Variants in GNAO1 observed in about 807,000 individuals in gnomAD.
GNAO1 encodes guanine nucleotide-binding protein G(o) subunit alpha.
For missense variants in GNAO1, 166 were observed against 478.7 expected (o/e 0.35, Z 6.10); for synonymous variants, 164 against 180.7 (o/e 0.91, Z 0.74).
At chr16:56,194,609 C>T (rs114401324) in intron 2 of GNAO1, 2,153 of 194,674 alleles carry the variant, frequency 0.011, 61 homozygotes, top group African/African-American at 0.047. Context: ...CGAGTCGGTG[C>T]TCCGGCGGAG....
intron 2 of GNAO1, among the ~76,000 whole-genome samples, chr16:56,248,350 T>C (rs1334060766): frequency 6.6e-6 from 1 of 152,206 alleles, no homozygotes; most frequent in African/African-American, 2.4e-5. Context: ...AAACATCAAA[T>C]CTAACAGGCA....
At chr16:56,330,412 G>A (rs1266026501) in intron 4 of GNAO1, among the ~76,000 whole-genome samples, 1 of 152,092 alleles carries the variant, frequency 6.6e-6, no homozygotes, top group Non-Finnish European at 1.5e-5. Context: ...TCTTCTAGTG[G>A]CTCAGCAAAT....
At chr16:56,312,103 G>A (rs1333008093) in intron 3 of GNAO1, among the ~76,000 whole-genome samples, 5 of 152,064 alleles carry the variant, frequency 3.3e-5, no homozygotes, top group Non-Finnish European at 7.4e-5. Flanking sequence ...CTTGCTGATG[G>A]CCCCACCTCC....
chr16:56,229,259 C>T (rs183141897), intron 2 of GNAO1, among the ~76,000 whole-genome samples: 123 of 152,290 alleles, frequency 8.1e-4, no homozygotes, highest in Non-Finnish European at 1.5e-3. Context: ...GGCTGGAGTG[C>T]AGTGGCATAA....
intron 6 of GNAO1, among the ~76,000 whole-genome samples, chr16:56,337,751 G>A (rs2037757038): frequency 6.6e-6 from 1 of 152,236 alleles, no homozygotes; most frequent in South Asian, 2.1e-4. Context: ...TGGTTGTACA[G>A]TTGCTGGTGA....
intron 2 of GNAO1, among the ~76,000 whole-genome samples, chr16:56,207,430 A>G (rs2036340451): frequency 6.6e-6 from 1 of 152,262 alleles, no homozygotes; most frequent in Non-Finnish European, 1.5e-5. Context: ...GCTATCAGAG[A>G]AAACATGATT....
At chr16:56,272,136 CG>C (rs1325661314) in intron 2 of GNAO1, among the ~76,000 whole-genome samples, 1 of 151,958 alleles carries the variant, frequency 6.6e-6, no homozygotes, top group Non-Finnish European at 1.5e-5. Context: ...GGTGAAACCC[CG>C]TCTCTACTAA....
intron 2 of GNAO1, among the ~76,000 whole-genome samples, chr16:56,256,722 G>GTC (rs2036853494): frequency 2.0e-5 from 1 of 50,974 alleles, no homozygotes; most frequent in Admixed American, 2.3e-4. Flanking sequence ...CTCTCTCTGT[G>GTC]TGTGTGTGTG....
chr16:56,221,710 T>G (rs1328645648), intron 2 of GNAO1, among the ~76,000 whole-genome samples: 1 of 150,798 alleles, frequency 6.6e-6, no homozygotes, highest in Non-Finnish European at 1.5e-5. Context: ...GAAATTATAG[T>G]CTTGTTCTTG....
At chr16:56,324,828 G>A (rs1290764413) in intron 3 of GNAO1, among the ~76,000 whole-genome samples, 1 of 152,256 alleles carries the variant, frequency 6.6e-6, no homozygotes, top group Admixed American at 6.5e-5. Context: ...CACCATTGTA[G>A]CTTCCTTCCC....
intron 3 of GNAO1, among the ~76,000 whole-genome samples, chr16:56,304,987 A>C (rs1344056715): frequency 6.6e-6 from 1 of 152,198 alleles, no homozygotes; most frequent in Non-Finnish European, 1.5e-5. Flanking sequence ...CCGGCCCCTT[A>C]TTCTGCTCCC....
intron 6 of GNAO1, among the ~76,000 whole-genome samples, chr16:56,342,262 C>T (rs759440481): frequency 1.3e-5 from 2 of 152,200 alleles, no homozygotes; most frequent in Non-Finnish European, 2.9e-5. Context: ...GAGTAGTCAG[C>T]TGCAGTCCTA....
chr16:56,347,804 C>A, intron 6 of GNAO1: 1 of 972,502 alleles, frequency 1.0e-6, no homozygotes, highest in Non-Finnish European at 1.2e-6. Flanking sequence ...CTCCCCTCCA[C>A]ACCTGCCCTG....
chr16:56,267,813 C>T (rs1281673796), intron 2 of GNAO1, among the ~76,000 whole-genome samples: 1 of 152,020 alleles, frequency 6.6e-6, no homozygotes, highest in African/African-American at 2.4e-5. Flanking sequence ...GTGGCTGGCA[C>T]CTAGTAGGTA....
In GNAO1 at chr16:56,304,940, C is replaced by T. The variant is rs566795679; in HGVS notation, c.304-23691C>T. Among the ~76,000 whole-genome samples the T allele has an allele frequency of 2.1e-3, 322 of 152,366 alleles. 2 individuals are homozygous for T. The highest frequency in any genetic ancestry group is 7.3e-3 in the African/African-American group (303 of 41,584). On this transcript the variant is annotated intron_variant, in intron 3 of 8. Transcript: ENST00000262493. ...TGGAGTGCATCAGCACTCGTTTCTC[C>T]AGTTGCTCTGGAAGCATCCAGGACA...
chr16:56,225,067 A>G (rs1354267634), intron 2 of GNAO1, among the ~76,000 whole-genome samples: 7 of 152,212 alleles, frequency 4.6e-5, no homozygotes, highest in African/African-American at 1.4e-4. Context: ...CAGCTAAGGT[A>G]GGACAGGGTG....
At chr16:56,201,791 G>A (rs1216002953) in intron 2 of GNAO1, among the ~76,000 whole-genome samples, 2 of 152,212 alleles carry the variant, frequency 1.3e-5, no homozygotes, top group African/African-American at 4.8e-5. Context: ...GGCTACTGGT[G>A]GATGGTAGTT....
At chr16:56,295,372 A>C (rs2037276622) in intron 3 of GNAO1, among the ~76,000 whole-genome samples, 1 of 152,056 alleles carries the variant, frequency 6.6e-6, no homozygotes, top group Non-Finnish European at 1.5e-5. Context: ...TGAGGATAAT[A>C]AGTCACCTAC....
chr16:56,258,784 C>T lies in GNAO1; in HGVS notation c.162-17147C>T, dbSNP rs565993371. Among the ~76,000 whole-genome samples, 17 of 152,372 alleles carry T rather than the reference C, an allele frequency of 1.1e-4. No homozygotes were observed. The East Asian group carries it at 2.9e-3, about 26-fold the overall frequency. Reference sequence around the variant, plus strand: ...TGAGAAGGCAGGGGAGAGTTTCCTGCAGCTCCTCTGGGAGAGACAGGGGAT... The same window carrying T: ...TGAGAAGGCAGGGGAGAGTTTCCTGTAGCTCCTCTGGGAGAGACAGGGGAT... On this transcript the variant is annotated intron_variant, in intron 2 of 8. Transcript: ENST00000262493.
Sources: gnomAD v4.1 joint callset for allele counts (sites outside exome capture counted in the v4.1 genomes callset) on GRCh38, gnomAD v4.1.1 for gene constraint, MANE v1.5 for transcripts, NCBI Gene and HGNC (gene_info 2026-07-23, HGNC 2026-07-21) for gene names.